The following DNM3 variants were observed in gnomAD, a reference collection of about 807,000 sequenced individuals.
The protein encoded by DNM3 is dynamin 3.
A neutral mutation model predicts 101.6 loss-of-function variants in DNM3; 47 were observed. That is an observed-to-expected ratio of 0.46 (90% CI 0.37 to 0.59). The LOEUF (loss-of-function observed/expected upper bound fraction) is 0.59, where lower values mean the gene tolerates loss of function less well. Among genes scored for constraint, DNM3 ranks in the 20% least tolerant of loss-of-function variants. The pLI is 0.00. For missense variants in DNM3, 849 were observed against 1,085.7 expected, an observed-to-expected ratio of 0.78 and a Z score of 3.06; for synonymous variants, 385 against 387.9, an observed-to-expected ratio of 0.99 and a Z score of 0.09.
At chr1:172,352,351 A>G (rs936743692) in intron 17 of DNM3, among the ~76,000 whole-genome samples, 1 of 152,132 alleles carries the variant, frequency 6.6e-6, no homozygotes, top group African/African-American at 2.4e-5. Context: ...TGTAAAGTGA[A>G]CTTTTTTTTT....
chr1:171,987,429 T>A, intron 2 of DNM3: 2 of 684,714 alleles, frequency 2.9e-6, no homozygotes, highest in Non-Finnish European at 3.6e-6. Flanking sequence ...TTTTAGTATT[T>A]AATTGCTTAT....
At chr1:172,382,141 T>A (rs2068944967) in intron 18 of DNM3, among the ~76,000 whole-genome samples, 1 of 152,150 alleles carries the variant, frequency 6.6e-6, no homozygotes, top group African/African-American at 2.4e-5. Flanking sequence ...CTTTGTCTAT[T>A]GAAATGCAGC....
rs2295608 is a variant in DNM3 at position 172,038,109 on chromosome 1, A to C, written c.850-210A>C. On this transcript the variant is annotated intron_variant, in intron 6 of 20. Coordinates refer to ENST00000627582, the MANE Select transcript of DNM3 (RefSeq NM_015569.5). ...TCAAGTGAGTGACTCTAAATGAAGGAATTTTGAGCATCTCTGAAGGGCAGT... is the reference window on the plus strand; with the variant it reads ...TCAAGTGAGTGACTCTAAATGAAGGCATTTTGAGCATCTCTGAAGGGCAGT... 4.6e-5 allele frequency among the ~76,000 whole-genome samples: 7 copies of C among 152,296 alleles called. No homozygotes were observed. In the East Asian group the frequency reaches 1.4e-3, roughly 29 times the overall value.
In DNM3 at chr1:172,412,033, A is replaced by G. The variant is rs1558110813; in HGVS notation, c.*4192A>G. The stretch of plus-strand genomic sequence containing the variant: ...TTTTTGAAGCATATGTAATATATGC[A>G]CTGCTATTTGTGTGTGTGTGTGTGT... On this transcript the variant is annotated 3_prime_UTR_variant, in exon 21 of 21. Coordinates refer to ENST00000627582, the MANE Select transcript of DNM3 (RefSeq NM_015569.5). The G allele has an allele frequency of 3.1e-6, 3 of 979,282 alleles. No individual in the cohort carries two copies. Among genetic ancestry groups the G allele is most frequent in the African/African-American group, 3.6e-5 (2 of 56,108 alleles). The allele number at this position is 979,282 out of a possible 1,614,324, so 60.7% of individuals were successfully genotyped here. A position where few individuals can be genotyped will look rare whatever the true frequency, so the allele number is the denominator to read the frequency against.
At chr1:171,973,469 G>A (rs936472127) in intron 2 of DNM3, among the ~76,000 whole-genome samples, 1 of 152,036 alleles carries the variant, frequency 6.6e-6, no homozygotes, top group Non-Finnish European at 1.5e-5. Context: ...GATACAGTAT[G>A]AATTTGTTGA....
intron 19 of DNM3, 138 bp downstream of exon 19, chr1:172,387,497 A>C (rs1573696449): frequency 2.8e-6 from 2 of 717,582 alleles, no homozygotes; most frequent in Non-Finnish European, 4.5e-6. Flanking sequence ...CTCTACTAAA[A>C]ACATAAAAAA....
intron 1 of DNM3, among the ~76,000 whole-genome samples, chr1:171,907,715 A>C (rs2038948748): frequency 6.6e-6 from 1 of 152,074 alleles, no homozygotes; most frequent in Admixed American, 6.6e-5. Flanking sequence ...TTACCCCTTC[A>C]AGTCGTTACT....
intron 14 of DNM3, among the ~76,000 whole-genome samples, chr1:172,194,838 A>G (rs1253544009): frequency 6.6e-6 from 1 of 152,028 alleles, no homozygotes; most frequent in Non-Finnish European, 1.5e-5. Context: ...TTGTCTTTTA[A>G]TTGGAGTCTT....
intron 14 of DNM3, among the ~76,000 whole-genome samples, chr1:172,205,312 C>T (rs187588680): frequency 5.9e-5 from 9 of 152,184 alleles, no homozygotes; most frequent in African/African-American, 1.9e-4. Context: ...CTGGCATGAA[C>T]TTTGCCTTTA....
intron 1 of DNM3, among the ~76,000 whole-genome samples, chr1:171,871,027 C>T (rs376013636): frequency 1.3e-5 from 2 of 152,174 alleles, no homozygotes. Context: ...ACTAAAGAGG[C>T]TAAAGAGGCA....
intron 6 of DNM3, among the ~76,000 whole-genome samples, chr1:172,036,274 C>T (rs961372165): frequency 1.5e-4 from 23 of 149,156 alleles, no homozygotes; most frequent in East Asian, 6.0e-4. Flanking sequence ...TTTGTTCTTG[C>T]GATAGTTTAC....
chr1:171,906,290 G>A (rs1174550045), intron 1 of DNM3, among the ~76,000 whole-genome samples: 2 of 151,836 alleles, frequency 1.3e-5, no homozygotes, highest in African/African-American at 4.8e-5. Context: ...ACCACACCTG[G>A]CTAAGTTTTA....
chr1:172,310,879 A>G (rs927478649), intron 16 of DNM3: 4 of 152,192 alleles, frequency 2.6e-5, no homozygotes, highest in Non-Finnish European at 5.9e-5. Flanking sequence ...AAAGCTCATT[A>G]TGGTTGAGAA....
rs369238528 is a variant in DNM3 at position 172,239,798 on chromosome 1, C to CTTTTTTTTTTTTTT, written c.1660-13774_1660-13773insTTTTTTTTTTTTTT. Among the ~76,000 whole-genome samples the CTTTTTTTTTTTTTT allele has an allele frequency of 6.2e-3, 664 of 106,818 alleles. 31 individuals carry two copies. Among genetic ancestry groups the CTTTTTTTTTTTTTT allele is most frequent in the Non-Finnish European group, 7.1e-3 (404 of 56,528 alleles). 70.1% of individuals were successfully genotyped at this position (106,818 alleles called of 152,430 possible). A position where few individuals can be genotyped will look rare whatever the true frequency, so the allele number is the denominator to read the frequency against. Reference sequence around the variant, plus strand: ...TTTCTCCAGCCCTGTCTTTTTTTTTCTCTTTTTTTTTTTTTTTTTTTTGTA... The same window carrying CTTTTTTTTTTTTTT: ...TTTCTCCAGCCCTGTCTTTTTTTTTCTTTTTTTTTTTTTTTCTTTTTTTTTTTTTTTTTTTTGTA... On this transcript the variant is annotated intron_variant, in intron 14 of 20. Transcript: ENST00000627582.
intron 17 of DNM3, among the ~76,000 whole-genome samples, chr1:172,331,490 G>T (rs535103506): frequency 1.3e-5 from 2 of 152,230 alleles, no homozygotes; most frequent in African/African-American, 4.8e-5. Context: ...ATCAGAATTA[G>T]AGTCCCACTA....
intron 1 of DNM3, among the ~76,000 whole-genome samples, chr1:171,911,287 T>TTTTTG (rs1282873194): frequency 6.8e-6 from 1 of 147,616 alleles, no homozygotes; most frequent in Non-Finnish European, 1.5e-5. Context: ...TTTTTTTTTT[T>TTTTTG]TTTTTTTTTT....
At chr1:172,115,136 A>G (rs1172438778) in intron 13 of DNM3, among the ~76,000 whole-genome samples, 1 of 152,188 alleles carries the variant, frequency 6.6e-6, no homozygotes, top group African/African-American at 2.4e-5. Context: ...CACAGTAACA[A>G]AAAAAGTGCA....
intron 1 of DNM3, among the ~76,000 whole-genome samples, chr1:171,869,639 A>G (rs2035087928): frequency 6.6e-6 from 1 of 152,188 alleles, no homozygotes; most frequent in Admixed American, 6.5e-5. Context: ...TTACAAATGG[A>G]TTCGTGTCAT....
chr1:172,151,490 A>T (rs1234778849), intron 14 of DNM3, among the ~76,000 whole-genome samples: 3 of 152,198 alleles, frequency 2.0e-5, no homozygotes, highest in Non-Finnish European at 2.9e-5. Context: ...TCTGTCTTAT[A>T]ACAAAATGTT....
Sources: allele counts gnomAD v4.1 joint callset (sites outside exome capture counted in the v4.1 genomes callset), GRCh38; gene constraint gnomAD v4.1.1; transcripts MANE v1.5; gene names NCBI Gene and HGNC (gene_info 2026-07-23, HGNC 2026-07-21).